CDH13: variants seen among roughly 807,000 people sequenced by gnomAD.
The protein encoded by CDH13 is cadherin-13.
Under a neutral mutation model 63.8 loss-of-function variants are expected in CDH13, and 24 were observed. The ratio of observed to expected loss-of-function variants is 0.38; its 90% CI spans 0.27 to 0.53. The LOEUF is 0.53. Ranked by LOEUF, CDH13 falls within the 20% of genes least tolerant of loss-of-function variation. The pLI, the probability that CDH13 is intolerant of heterozygous loss-of-function variation, is 0.85. For missense variants in CDH13, 1,049 were observed against 903.1 expected (o/e 1.16, Z -2.07); for synonymous variants, 503 against 355.3 (o/e 1.42, Z -4.67).
intron 6 of CDH13, among the ~76,000 whole-genome samples, chr16:83,377,687 T>C (rs1329714132): frequency 6.6e-6 from 1 of 152,194 alleles, no homozygotes; most frequent in Non-Finnish European, 1.5e-5. Context: ...CCATTTCTTC[T>C]GCCTGATAAT....
At chr16:82,842,542 C>T (rs988932063) in intron 1 of CDH13, among the ~76,000 whole-genome samples, 3 of 152,046 alleles carry the variant, frequency 2.0e-5, no homozygotes, top group Non-Finnish European at 4.4e-5. Context: ...CATGAGGACT[C>T]AGTTAATTCT....
At chr16:82,747,319 T>G (rs1344030018) in intron 1 of CDH13, among the ~76,000 whole-genome samples, 1 of 152,174 alleles carries the variant, frequency 6.6e-6, no homozygotes, top group Non-Finnish European at 1.5e-5. Context: ...AGTATGCACG[T>G]TAAAGTTTGA....
intron 5 of CDH13, among the ~76,000 whole-genome samples, chr16:83,288,926 G>A (rs2089395526): frequency 6.6e-6 from 1 of 152,182 alleles, no homozygotes; most frequent in East Asian, 1.9e-4. Context: ...TTGCATAATG[G>A]AGATGTCACT....
chr16:83,462,951 G>T (rs898335695), intron 6 of CDH13, among the ~76,000 whole-genome samples: 9 of 152,090 alleles, frequency 5.9e-5, no homozygotes, highest in Non-Finnish European at 1.3e-4. Context: ...TCCTCTCGAG[G>T]AAGCTATGGT....
chr16:82,718,221 A>G (rs1397443034), intron 1 of CDH13, among the ~76,000 whole-genome samples: 1 of 152,150 alleles, frequency 6.6e-6, no homozygotes, highest in Admixed American at 6.5e-5. Flanking sequence ...TGAAAACCAC[A>G]TCTCATAGTT....
At chr16:83,657,160 CTG>C (rs1358953546) in intron 8 of CDH13, among the ~76,000 whole-genome samples, 2 of 152,176 alleles carry the variant, frequency 1.3e-5, no homozygotes, top group African/African-American at 4.8e-5. Flanking sequence ...AACTAACAGA[CTG>C]TGGATCCAGC....
At chr16:83,027,729 G>T (rs1206644800) in intron 2 of CDH13, among the ~76,000 whole-genome samples, 1 of 152,158 alleles carries the variant, frequency 6.6e-6, no homozygotes, top group Non-Finnish European at 1.5e-5. Flanking sequence ...CATTGCCTGG[G>T]CTTAGCTTAT....
At chr16:82,998,917 C>T (rs1320083959) in intron 2 of CDH13, among the ~76,000 whole-genome samples, 1 of 141,942 alleles carries the variant, frequency 7.0e-6, no homozygotes, top group Non-Finnish European at 1.5e-5. Context: ...CTTTCACCAA[C>T]ACTTTTCTTG....
chr16:83,382,346 C>T (rs1458068485), intron 6 of CDH13, among the ~76,000 whole-genome samples: 1 of 152,188 alleles, frequency 6.6e-6, no homozygotes, highest in Non-Finnish European at 1.5e-5. Flanking sequence ...ACAATTTAAT[C>T]AGGTAAATTA....
At chr16:82,813,275 A>T (rs9923993) in intron 1 of CDH13, among the ~76,000 whole-genome samples, 1 of 151,960 alleles carries the variant, frequency 6.6e-6, no homozygotes, top group Non-Finnish European at 1.5e-5. Context: ...TTGGGGAAGG[A>T]GATGGGAGAT....
At chr16:83,014,804 G>GTATATATATTTGTA (rs1914573616) in intron 2 of CDH13, among the ~76,000 whole-genome samples, 4 of 52,720 alleles carry the variant, frequency 7.6e-5, no homozygotes, top group Non-Finnish European at 1.0e-4. Context: ...ATATATATAT[G>GTATATATATTTGTA]TATATATATT....
chr16:83,181,973 A>G (rs2038362495), intron 4 of CDH13, among the ~76,000 whole-genome samples: 1 of 152,168 alleles, frequency 6.6e-6, no homozygotes, highest in South Asian at 2.1e-4. Context: ...AATTAGCTGC[A>G]CACAGAAGCT....
intron 2 of CDH13, among the ~76,000 whole-genome samples, chr16:82,906,070 C>G (rs1371169892): frequency 1.3e-5 from 2 of 152,150 alleles, no homozygotes; most frequent in Non-Finnish European, 2.9e-5. Flanking sequence ...TATCTGTCAT[C>G]GATCTATCTA....
Position 83,309,372 on chromosome 16 carries a change from C to T in CDH13, c.637-35490C>T, listed in dbSNP as rs543673999. On this transcript the variant is annotated intron_variant, in intron 5 of 13. Coordinates refer to ENST00000567109, the MANE Select transcript of CDH13 (RefSeq NM_001257.5). ...CAGGTCAGTCTCTGGAGGCACTCCC[C>T]TCTCTCCCTTCTTTTTTTTTTGAGA... Among the ~76,000 whole-genome samples, 66 of 140,040 alleles carry T rather than the reference C, an allele frequency of 4.7e-4. No individual in the cohort carries two copies. The South Asian group carries it at 0.012, about 26-fold the overall frequency. The allele number at this position is 140,040 out of a possible 152,430, so 91.9% of individuals were successfully genotyped here. A position where few individuals can be genotyped will look rare whatever the true frequency, so the allele number is the denominator to read the frequency against.
intron 2 of CDH13, among the ~76,000 whole-genome samples, chr16:82,956,568 A>G (rs1906139373): frequency 6.6e-6 from 1 of 152,100 alleles, no homozygotes; most frequent in African/African-American, 2.4e-5. Flanking sequence ...CTCCTCTTGG[A>G]TCATCATTAC....
In CDH13 at chr16:82,647,440, G is replaced by A. The variant is rs149541016; in HGVS notation, c.45+20303G>A. The stretch of plus-strand genomic sequence containing the variant: ...GGGAGGTGGTCCAAGGGGAAGTGTA[G>A]AGGAGTGGGAAAGTGAGGCAAGGAA... On this transcript the variant is annotated intron_variant, in intron 1 of 13. Transcript: ENST00000567109. 9.8e-5 allele frequency among the ~76,000 whole-genome samples: 15 copies of A among 152,294 alleles called. No homozygotes were observed. The East Asian group carries it at 2.9e-3, about 29-fold the overall frequency.
At chr16:83,743,080 G>A (rs1912214443) in intron 10 of CDH13, among the ~76,000 whole-genome samples, 1 of 152,174 alleles carries the variant, frequency 6.6e-6, no homozygotes, top group African/African-American at 2.4e-5. Flanking sequence ...GGTGGCAGGT[G>A]CCTATAATTC....
At chr16:83,136,116 A>G (rs912711343) in intron 4 of CDH13, among the ~76,000 whole-genome samples, 1 of 151,908 alleles carries the variant, frequency 6.6e-6, no homozygotes, top group Non-Finnish European at 1.5e-5. Flanking sequence ...ACATATCACC[A>G]CTAAAGAACT....
At chr16:83,444,878 G>C (rs1486615698) in intron 6 of CDH13, among the ~76,000 whole-genome samples, 1 of 274 alleles carries the variant, frequency 3.6e-3, no homozygotes, top group Non-Finnish European at 0.056. Context: ...GCTTTCCTCT[G>C]ATGAAGGGGG....
Sources: allele counts gnomAD v4.1 joint callset (sites outside exome capture counted in the v4.1 genomes callset), GRCh38; gene constraint gnomAD v4.1.1; transcripts MANE v1.5; gene names NCBI Gene and HGNC (gene_info 2026-07-23, HGNC 2026-07-21).